The following UBXN7 variants were observed in gnomAD, a reference collection of about 807,000 sequenced individuals.
UBXN7 encodes the protein UBX domain protein 7.
Under a neutral mutation model 58.0 loss-of-function variants are expected in UBXN7, and 9 were observed. The observed-to-expected ratio is 0.16, with a 90% CI of 0.09 to 0.27. The LOEUF (loss-of-function observed/expected upper bound fraction) is 0.27. Among genes scored for constraint, UBXN7 ranks in the 10% least tolerant of loss-of-function variants. UBXN7 has a pLI of 1.00. For missense variants in UBXN7, 328 were observed against 599.6 expected (o/e 0.55, Z 4.73); for synonymous variants, 208 against 205.0 (o/e 1.01, Z -0.12).
intron 3 of UBXN7, 77 bp from the exon 4 acceptor site, chr3:196,393,696 G>T: frequency 7.0e-7 from 1 of 1,424,854 alleles, no homozygotes; most frequent in Non-Finnish European, 9.6e-7. Flanking sequence ...TTATCTAAAA[G>T]TATTTTTTTA....
At chr3:196,358,019 A>G (rs1337556694) in intron 10 of UBXN7, among the ~76,000 whole-genome samples, 2 of 152,108 alleles carry the variant, frequency 1.3e-5, no homozygotes, top group Non-Finnish European at 2.9e-5. Flanking sequence ...GCCTGGGCAG[A>G]GCCAGATCGT....
At chr3:196,374,937 G>GGGAAGGGAAGAAA (rs1423233025) in intron 5 of UBXN7, among the ~76,000 whole-genome samples, 1 of 14,194 alleles carries the variant, frequency 7.0e-5, no homozygotes, top group Non-Finnish European at 1.3e-4. Flanking sequence ...AAGGGAAGAA[G>GGGAAGGGAAGAAA]GAAGGAAGGA....
intron 5 of UBXN7, among the ~76,000 whole-genome samples, chr3:196,382,741 C>A (rs1262620514): frequency 6.6e-6 from 1 of 152,100 alleles, no homozygotes; most frequent in Non-Finnish European, 1.5e-5. Flanking sequence ...ATTCAGGAGA[C>A]CCATCTCACA....
intron 1 of UBXN7, among the ~76,000 whole-genome samples, chr3:196,407,632 A>C (rs2108616815): frequency 6.6e-6 from 1 of 152,250 alleles, no homozygotes. Context: ...ATAAAACAAA[A>C]ACTAAATAAA....
chr3:196,360,554 C>T (rs1334549889), intron 10 of UBXN7, among the ~76,000 whole-genome samples: 1 of 152,200 alleles, frequency 6.6e-6, no homozygotes, highest in Admixed American at 6.5e-5. Context: ...TTTAAGCCCA[C>T]TGTTCAGACC....
At chr3:196,376,245 G>A (rs1729013998) in intron 5 of UBXN7, among the ~76,000 whole-genome samples, 1 of 151,912 alleles carries the variant, frequency 6.6e-6, no homozygotes, top group Admixed American at 6.6e-5. Context: ...AGTTTAATCA[G>A]AAAAATGTTA....
chr3:196,409,552 C>A (rs1277874523), intron 1 of UBXN7, among the ~76,000 whole-genome samples: 3 of 152,118 alleles, frequency 2.0e-5, no homozygotes, highest in Non-Finnish European at 4.4e-5. Context: ...ATTTGACAGA[C>A]TTTGCAAGGC....
At chr3:196,361,308 A>C (rs895896163) in intron 10 of UBXN7, among the ~76,000 whole-genome samples, 6 of 152,236 alleles carry the variant, frequency 3.9e-5, no homozygotes, top group African/African-American at 1.2e-4. Context: ...TGAGCAAAGA[A>C]AGTGATTTCT....
rs191587031 is a variant in UBXN7 at position 196,357,908 on chromosome 3, C to T, written c.1309-1062G>A. On this transcript the variant is annotated intron_variant, in intron 10 of 10. Coordinates refer to ENST00000296328, the MANE Select transcript of UBXN7 (RefSeq NM_015562.2). ...ACTAGCCGGGCATGGTGGTGTGTGC[C>T]TGTAGTCCCAGCTACCGGGAAGGTC... Among the ~76,000 whole-genome samples the T allele has an allele frequency of 1.6e-4, 25 of 151,808 alleles. No individual in the cohort carries two copies. The East Asian group carries it at 4.8e-3, about 29-fold the overall frequency.
chr3:196,410,793 G>A (rs1730300791), intron 1 of UBXN7, among the ~76,000 whole-genome samples: 1 of 151,422 alleles, frequency 6.6e-6, no homozygotes, highest in African/African-American at 2.4e-5. Context: ...CTGCACTCCA[G>A]CCTGGGCAAC....
intron 1 of UBXN7, among the ~76,000 whole-genome samples, chr3:196,431,012 TA>T (rs1367041988): frequency 6.6e-6 from 1 of 152,194 alleles, no homozygotes; most frequent in Non-Finnish European, 1.5e-5. Context: ...GCCCACAAGC[TA>T]GATAACAATG....
chr3:196,390,970 G>GT (rs1258437937), intron 5 of UBXN7, among the ~76,000 whole-genome samples: 7 of 152,250 alleles, frequency 4.6e-5, no homozygotes, highest in East Asian at 3.9e-4. Context: ...TCTGCCCTAA[G>GT]TAAGTCTGTA....
intron 7 of UBXN7, 21 bp from the exon 8 acceptor site, chr3:196,368,176 TC>T: frequency 6.3e-7 from 1 of 1,597,222 alleles, no homozygotes; most frequent in Non-Finnish European, 8.5e-7. Context: ...AAAACCAAGA[TC>T]TATAAATAAA....
rs558278884 is a variant in UBXN7, at chr3:196,361,771, C to T, written c.1308+73G>A. 5.3e-6 allele frequency: 7 copies of T among 1,331,164 alleles called. 1 individual carries two copies. The South Asian group carries it at 7.5e-5, about 14-fold the overall frequency. 82.5% of individuals were successfully genotyped at this position (1,331,164 alleles called of 1,614,324 possible). On this transcript the variant is annotated intron_variant, in intron 10 of 10. Transcript: ENST00000296328. ...AATGTAAACATAACTTTTATATGCACCAGGAAACCAAACAATTTGGGACTC... is the reference window on the plus strand; with the variant it reads ...AATGTAAACATAACTTTTATATGCATCAGGAAACCAAACAATTTGGGACTC...
At chr3:196,403,840 T>C (rs1029477961) in intron 2 of UBXN7, among the ~76,000 whole-genome samples, 2 of 152,214 alleles carry the variant, frequency 1.3e-5, no homozygotes, top group Non-Finnish European at 2.9e-5. Context: ...ACTCATCTTT[T>C]AAAAGCCTAT....
chr3:196,376,070 A>G (rs774303238), intron 5 of UBXN7, among the ~76,000 whole-genome samples: 8 of 152,194 alleles, frequency 5.3e-5, no homozygotes, highest in South Asian at 2.1e-4. Context: ...AACAAATTTA[A>G]TATGTTTCAG....
chr3:196,402,933 G>A lies in UBXN7; in HGVS notation c.289+19C>T. 6.3e-7 allele frequency: 1 copy of A among 1,587,110 alleles called. No individual in the cohort carries two copies. The highest frequency in any genetic ancestry group is 8.5e-7 in the Non-Finnish European group (1 of 1,174,068). ...AAAGAACAAAATCAAATAAGGCTAA[G>A]GGAAAAAAGTGAACTTACCACCAAA... On this transcript the variant is annotated intron_variant, in intron 3 of 10. Coordinates refer to ENST00000296328, the MANE Select transcript of UBXN7 (RefSeq NM_015562.2).
chr3:196,407,419 A>C (rs1273324550), intron 1 of UBXN7, 26 bp from the exon 2 acceptor site: 1 of 1,552,398 alleles, frequency 6.4e-7, no homozygotes, highest in Non-Finnish European at 8.6e-7. Context: ...GACAGGAAAA[A>C]CGTTAAAAAA....
At chr3:196,363,255 T>C (rs1018706570) in intron 8 of UBXN7, among the ~76,000 whole-genome samples, 50 of 144,920 alleles carry the variant, frequency 3.5e-4, no homozygotes, top group East Asian at 3.2e-3. Context: ...TACATAAATA[T>C]ATATATACAC....
Sources: gnomAD v4.1 joint callset for allele counts (sites outside exome capture counted in the v4.1 genomes callset) on GRCh38, gnomAD v4.1.1 for gene constraint, MANE v1.5 for transcripts, NCBI Gene and HGNC (gene_info 2026-07-23, HGNC 2026-07-21) for gene names.